The following EFCAB5 variants were observed in gnomAD, a reference collection of about 807,000 sequenced individuals.
EFCAB5 encodes the protein EF-hand calcium-binding domain-containing protein 5.
A neutral mutation model predicts 167.9 loss-of-function variants in EFCAB5; 131 were observed. The ratio of observed to expected loss-of-function variants is 0.78; its 90% CI spans 0.68 to 0.90. EFCAB5 has a LOEUF of 0.90. Among genes scored for constraint, EFCAB5 ranks in the 40% least tolerant of loss-of-function variants. The pLI is 0.00. For synonymous variants in EFCAB5, 574 were observed against 602.8 expected, an observed-to-expected ratio of 0.95 and a Z score of 0.70; for missense variants, 1,663 against 1,745.2, an observed-to-expected ratio of 0.95 and a Z score of 0.84.
upstream of EFCAB5, among the ~76,000 whole-genome samples, chr17:29,937,915 A>G (rs1188432965): frequency 6.6e-6 from 1 of 152,196 alleles, no homozygotes; most frequent in African/African-American, 2.4e-5. Flanking sequence ...AAACCTGGAT[A>G]TTCCTTTTCC....
At chr17:30,071,661 A>G (rs1014687559) in intron 14 of EFCAB5, among the ~76,000 whole-genome samples, 2 of 152,198 alleles carry the variant, frequency 1.3e-5, no homozygotes, top group African/African-American at 4.8e-5. Context: ...TCCAAAAGAA[A>G]GGAAATAAGT....
chr17:30,051,967 A>AT (rs1032307084), intron 9 of EFCAB5, among the ~76,000 whole-genome samples: 40 of 150,878 alleles, frequency 2.7e-4, no homozygotes, highest in South Asian at 1.3e-3. Context: ...GTTTATTTTT[A>AT]TTTTTTTTTA....
Position 29,964,316 on chromosome 17 carries a change from C to G in EFCAB5, c.191-4475C>G, listed in dbSNP as rs114180418. On this transcript the variant is annotated intron_variant, in intron 3 of 22. Transcript: ENST00000394835. ...TTATAATCGTTTTTGTTTTCCAAGACAGAGTCTTGCTCTGTTGCCCAGAGC... is the reference window on the plus strand; with the variant it reads ...TTATAATCGTTTTTGTTTTCCAAGAGAGAGTCTTGCTCTGTTGCCCAGAGC... Among the ~76,000 whole-genome samples, 1,183 of 152,198 alleles carry G rather than the reference C, an allele frequency of 7.8e-3. 23 individuals are homozygous for G. The highest frequency in any genetic ancestry group is 0.027 in the African/African-American group (1,125 of 41,544).
chr17:30,002,320 T>A (rs1382780831), intron 7 of EFCAB5, among the ~76,000 whole-genome samples: 1 of 152,188 alleles, frequency 6.6e-6, no homozygotes, highest in East Asian at 1.9e-4. Flanking sequence ...ACCAGGAAAT[T>A]AACATTGATA....
chr17:29,991,742 G>A (rs953537148), intron 4 of EFCAB5, among the ~76,000 whole-genome samples: 1 of 152,124 alleles, frequency 6.6e-6, no homozygotes, highest in Non-Finnish European at 1.5e-5. Flanking sequence ...CAGATTTGGG[G>A]GGCCTGTTCC....
chr17:30,017,576 C>T (rs1023466982), intron 7 of EFCAB5, among the ~76,000 whole-genome samples: 1 of 151,942 alleles, frequency 6.6e-6, no homozygotes, highest in African/African-American at 2.4e-5. Flanking sequence ...AGGGAATTAC[C>T]GAAATTAAAC....
At position 29,968,877 on chromosome 17, in the gene EFCAB5, A is replaced by T; in HGVS notation, c.277A>T (p.Lys93Ter). The change falls in exon 4 of 23, where the codon AAA becomes TAA. Residue 93 changes from lysine to a stop codon, truncating the protein, a stop_gained. Coordinates refer to ENST00000394835, the MANE Select transcript of EFCAB5 (RefSeq NM_198529.4). LOFTEE classifies it high-confidence loss of function. The part of the protein sequence containing the change: ...TEASGNIAIR[K>*]SAKVIFALDE... ...AGCCTCAGGTAATATTGCAATTAGA[A>T]AATCTGCAAAAGTGATTTTTGCTTT... 6.4e-7 allele frequency: 1 copy of T among 1,562,894 alleles called. No individual in the cohort carries two copies. Among genetic ancestry groups the T allele is most frequent in the South Asian group, 1.2e-5 (1 of 84,258 alleles).
At position 29,942,936 on chromosome 17, in the gene EFCAB5, G is replaced by A. The variant is rs150443809; in HGVS notation, c.106-629G>A. Among the ~76,000 whole-genome samples the A allele has an allele frequency of 9.3e-4, 141 of 152,038 alleles. 3 individuals carry two copies. In the East Asian group the frequency reaches 0.021, roughly 23 times the overall value. On this transcript the variant is annotated intron_variant, in intron 2 of 22. Transcript: ENST00000394835. The stretch of plus-strand genomic sequence containing the variant: ...GCGTGTAATCCTAGCAACTTGAAAG[G>A]CCAAGGCAAGATAATCACTTTAACC...
At chr17:30,079,907 G>T (rs894644887) in intron 15 of EFCAB5, among the ~76,000 whole-genome samples, 165 bp from the exon 16 acceptor site, 2 of 152,182 alleles carry the variant, frequency 1.3e-5, no homozygotes, top group Non-Finnish European at 2.9e-5. Context: ...GGATAGCTAT[G>T]CTGTCAACCT....
At chr17:29,932,446 C>T (rs1406804853) in intron 1 of EFCAB5, among the ~76,000 whole-genome samples, 4 of 128,572 alleles carry the variant, frequency 3.1e-5, no homozygotes, top group Non-Finnish European at 4.9e-5. Flanking sequence ...CCACTGTGCC[C>T]GGCTTTTTTT....
At chr17:29,997,316 C>T (rs917446290) in intron 6 of EFCAB5, among the ~76,000 whole-genome samples, 2 of 151,628 alleles carry the variant, frequency 1.3e-5, no homozygotes, top group East Asian at 1.9e-4. Context: ...GTTACGACTT[C>T]GCTAGAAGAC....
chr17:29,930,235 T>C (rs1450340567), intron 1 of EFCAB5: 2 of 534,282 alleles, frequency 3.7e-6, no homozygotes, highest in Admixed American at 3.6e-5. Flanking sequence ...CAATGAGCGC[T>C]CCCAGTGCGC....
intron 14 of EFCAB5, chr17:30,073,282 C>A (rs1295638379): frequency 1.7e-6 from 1 of 580,414 alleles, no homozygotes; most frequent in Non-Finnish European, 3.1e-6. Flanking sequence ...GTCACAAACT[C>A]CTGGCCTTAA....
intron 8 of EFCAB5, among the ~76,000 whole-genome samples, chr17:30,035,714 C>T (rs2069597642): frequency 6.6e-6 from 1 of 152,158 alleles, no homozygotes; most frequent in Non-Finnish European, 1.5e-5. Context: ...TTGGTCTCAA[C>T]TTCTCATCCT....
chr17:29,948,665 A>C (rs1315238041), intron 3 of EFCAB5, among the ~76,000 whole-genome samples: 1 of 152,208 alleles, frequency 6.6e-6, no homozygotes, highest in Non-Finnish European at 1.5e-5. Flanking sequence ...AGCAGCTCCC[A>C]ACATGCACTC....
intron 7 of EFCAB5, among the ~76,000 whole-genome samples, chr17:30,022,713 A>ATTTTG (rs1235594907): frequency 6.6e-6 from 1 of 152,156 alleles, no homozygotes; most frequent in Non-Finnish European, 1.5e-5. Context: ...ATACTGGTTT[A>ATTTTG]TTTTGTTTTG....
chr17:30,048,871 A>G (rs914537322), intron 8 of EFCAB5, among the ~76,000 whole-genome samples: 1 of 152,218 alleles, frequency 6.6e-6, no homozygotes, highest in Non-Finnish European at 1.5e-5. Flanking sequence ...AAATTGACGT[A>G]GCTCTCTCAT....
chr17:30,034,240 C>T lies in EFCAB5; in HGVS notation c.1055C>T (p.Ser352Leu). The T allele has an allele frequency of 1.9e-6, 3 of 1,613,864 alleles. No individual in the cohort carries two copies. The South Asian group carries it at 3.3e-5, about 18-fold the overall frequency. Residue 352 changes from serine (S) to leucine (L), a missense_variant, in exon 8 of 23, where the codon TCA becomes TTA. Coordinates refer to ENST00000394835, the MANE Select transcript of EFCAB5 (RefSeq NM_198529.4). ...NKMEFTEYIS[S>L]HIKDLKSEMF... ...TTTTTTCCCCTGTAGTACATCTCTT[C>T]ACATATTAAAGACTTGAAGAGTGAA... is the stretch of plus-strand genomic sequence containing the variant.
At chr17:30,021,901 T>C (rs1257164646) in intron 7 of EFCAB5, among the ~76,000 whole-genome samples, 1 of 152,156 alleles carries the variant, frequency 6.6e-6, no homozygotes. Flanking sequence ...TGCCGCCTAG[T>C]GGAGATACTA....
Sources: allele counts gnomAD v4.1 joint callset (sites outside exome capture counted in the v4.1 genomes callset), GRCh38; gene constraint gnomAD v4.1.1; transcripts MANE v1.5; gene names NCBI Gene and HGNC (gene_info 2026-07-23, HGNC 2026-07-21).